Variants in SCAPER observed in about 807,000 individuals in gnomAD.
SCAPER encodes the protein S phase cyclin A-associated protein in the endoplasmic reticulum.
SCAPER carries 98 observed loss-of-function variants against 182.2 expected under a neutral mutation model. The observed-to-expected ratio is 0.54, with a 90% CI of 0.46 to 0.64. The LOEUF (loss-of-function observed/expected upper bound fraction) is 0.64. SCAPER is among the 30% of genes least tolerant of loss of function. The pLI is 0.00. For synonymous variants in SCAPER, 605 were observed against 564.6 expected (o/e 1.07, Z -1.01); for missense variants, 1,432 against 1,690.0 (o/e 0.85, Z 2.68).
chr15:76,862,963 A>G (rs879888242), intron 2 of SCAPER, among the ~76,000 whole-genome samples: 2 of 152,220 alleles, frequency 1.3e-5, no homozygotes, highest in African/African-American at 2.4e-5. Flanking sequence ...CGCTAAAGTA[A>G]GTCAACATTC....
At chr15:76,847,244 A>T (rs2070195258) in intron 4 of SCAPER, among the ~76,000 whole-genome samples, 1 of 152,206 alleles carries the variant, frequency 6.6e-6, no homozygotes, top group Admixed American at 6.5e-5. Flanking sequence ...GGGTACAAAA[A>T]AATGGAAAGA....
In SCAPER at chr15:76,755,483, T is replaced by C. The variant is rs141581427; in HGVS notation, c.1726-1535A>G. On this transcript the variant is annotated intron_variant, in intron 14 of 31. Transcript: ENST00000563290. ...AATATGCTTAACCCATGCATATTTATATTCCTTTCTAATACCAGAAGGTAA... is the reference window on the plus strand; with the variant it reads ...AATATGCTTAACCCATGCATATTTACATTCCTTTCTAATACCAGAAGGTAA... Among the ~76,000 whole-genome samples, 730 of 152,360 alleles carry C rather than the reference T, an allele frequency of 4.8e-3. 3 individuals carry two copies. The highest frequency in any genetic ancestry group is 8.0e-3 in the Non-Finnish European group (542 of 68,030).
chr15:76,386,310 A>C (rs2938696), intron 27 of SCAPER, among the ~76,000 whole-genome samples: 1 of 152,170 alleles, frequency 6.6e-6, no homozygotes, highest in African/African-American at 2.4e-5. Flanking sequence ...TATAGATACT[A>C]TTGTAGGAAC....
intron 3 of SCAPER, among the ~76,000 whole-genome samples, chr15:76,859,126 C>G (rs757777153): frequency 6.6e-6 from 1 of 152,170 alleles, no homozygotes; most frequent in Non-Finnish European, 1.5e-5. Flanking sequence ...TGCAACCTCT[C>G]CAGCATTTCA....
At chr15:76,561,851 T>C (rs1424000614) in intron 23 of SCAPER, among the ~76,000 whole-genome samples, 1 of 148,348 alleles carries the variant, frequency 6.7e-6, no homozygotes, top group African/African-American at 2.5e-5. Flanking sequence ...TTTTAATTAA[T>C]ATGAGGCAGA....
intron 26 of SCAPER, among the ~76,000 whole-genome samples, chr15:76,422,053 C>A (rs200121870): frequency 6.6e-6 from 1 of 151,986 alleles, no homozygotes; most frequent in African/African-American, 2.4e-5. Flanking sequence ...AGTCAGGTAG[C>A]GTGATGCCTC....
At chr15:76,899,020 G>GTACCA (rs2074594032) in intron 1 of SCAPER, among the ~76,000 whole-genome samples, 3 of 152,148 alleles carry the variant, frequency 2.0e-5, no homozygotes, top group Admixed American at 6.5e-5. Context: ...CATGATATTT[G>GTACCA]CCATAACTAA....
intron 22 of SCAPER, among the ~76,000 whole-genome samples, chr15:76,592,435 A>T (rs2049189333): frequency 8.2e-6 from 1 of 122,150 alleles, no homozygotes; most frequent in South Asian, 2.5e-4. Flanking sequence ...AATAAGTGAG[A>T]CTCACAAAGC....
At position 76,597,357 on chromosome 15, in the gene SCAPER, T is replaced by C. The variant is rs1567555866; in HGVS notation, c.2712-23073A>G. 2.5e-5 allele frequency among the ~76,000 whole-genome samples: 3 copies of C among 121,664 alleles called. 1 individual carries two copies. Among genetic ancestry groups the C allele is most frequent in the Non-Finnish European group, 6.0e-5 (3 of 49,986 alleles). The allele number at this position is 121,664 out of a possible 152,430, so 79.8% of individuals were successfully genotyped here. On this transcript the variant is annotated intron_variant, in intron 22 of 31. Transcript: ENST00000563290. ...ATGCTAATGGATAGGAAGAATCAAA[T>C]CATGAAAATGGCCACACTGCCAAAA... is the stretch of plus-strand genomic sequence containing the variant.
chr15:76,536,067 G>A (rs1319776572), intron 23 of SCAPER, among the ~76,000 whole-genome samples: 1 of 152,134 alleles, frequency 6.6e-6, no homozygotes, highest in Admixed American at 6.5e-5. Context: ...TGTCTTGAAA[G>A]GAAAATACAT....
chr15:76,775,010 A>T lies in SCAPER; in HGVS notation c.880T>A (p.Ser294Thr), dbSNP rs769649080. ...TTTTCTTTATCACTGTCATCCTTTG[A>T]TCTTGTGGCTTCTGTTGCCAATGAA... ...KVSLATEATRSKDDSDKENVC... is the reference protein window; with the variant it reads ...KVSLATEATRTKDDSDKENVC... Residue 294 changes from serine (S) to threonine (T), a missense_variant, in exon 9 of 32, where the codon TCA becomes ACA. This residue lies in a region of SCAPER where 480 missense variants were observed against 510.2 expected (regional missense o/e 0.94). Transcript: ENST00000563290. 1 of 1,613,790 alleles carries T rather than the reference A, an allele frequency of 6.2e-7. No individual in the cohort carries two copies. The highest frequency in any genetic ancestry group is 8.5e-7 in the Non-Finnish European group (1 of 1,179,772).
At chr15:76,883,074 T>C (rs764016727) in intron 2 of SCAPER, among the ~76,000 whole-genome samples, 6 of 152,016 alleles carry the variant, frequency 3.9e-5, no homozygotes, top group Non-Finnish European at 8.8e-5. Flanking sequence ...ACTAATTGAG[T>C]AAACACAAAT....
chr15:76,426,862 A>G (rs923781036), intron 26 of SCAPER, among the ~76,000 whole-genome samples: 1 of 152,232 alleles, frequency 6.6e-6, no homozygotes, highest in African/African-American at 2.4e-5. Context: ...GTCTGGTATA[A>G]AAACAGATAC....
chr15:76,806,143 A>G (rs2066145640), intron 5 of SCAPER, among the ~76,000 whole-genome samples: 1 of 152,164 alleles, frequency 6.6e-6, no homozygotes, highest in African/African-American at 2.4e-5. Context: ...AAAGATGTAT[A>G]TGTTTTCTTC....
At chr15:76,685,625 A>T (rs2057997269) in intron 20 of SCAPER, among the ~76,000 whole-genome samples, 1 of 152,140 alleles carries the variant, frequency 6.6e-6, no homozygotes, top group Non-Finnish European at 1.5e-5. Context: ...GAATATCAGG[A>T]AGATGTGAAT....
At chr15:76,490,679 G>C (rs2052208851) in intron 24 of SCAPER, among the ~76,000 whole-genome samples, 1 of 151,994 alleles carries the variant, frequency 6.6e-6, no homozygotes, top group Non-Finnish European at 1.5e-5. Flanking sequence ...TTTGTGGTCT[G>C]TGTTTGGTGT....
intron 20 of SCAPER, among the ~76,000 whole-genome samples, chr15:76,670,477 A>G (rs2056933702): frequency 6.6e-6 from 1 of 152,200 alleles, no homozygotes; most frequent in East Asian, 1.9e-4. Context: ...TAAGTAGTGC[A>G]ACAAAATATT....
intron 31 of SCAPER, 27 bp from the exon 32 acceptor site, chr15:76,348,763 G>A: frequency 1.5e-6 from 2 of 1,367,966 alleles, no homozygotes; most frequent in Admixed American, 2.8e-5. Context: ...AGAGAAAAAA[G>A]TTAAATAAAA....
chr15:76,550,438 T>A (rs981065556), intron 23 of SCAPER, among the ~76,000 whole-genome samples: 3 of 152,162 alleles, frequency 2.0e-5, no homozygotes, highest in Non-Finnish European at 4.4e-5. Context: ...ACTGAGAACA[T>A]GCGGTGTTTG....
Sources: allele counts gnomAD v4.1 joint callset (sites outside exome capture counted in the v4.1 genomes callset), GRCh38; gene constraint gnomAD v4.1.1; regional missense constraint gnomAD v4.1.1; transcripts MANE v1.5; gene names NCBI Gene and HGNC (gene_info 2026-07-23, HGNC 2026-07-21).